Variants in CNTN3 observed in about 807,000 individuals in gnomAD.
The protein encoded by CNTN3 is contactin 3, also known as contactin-3.
Under a neutral mutation model 119.1 loss-of-function variants are expected in CNTN3, and 60 were observed. That is an observed-to-expected ratio of 0.50 (90% CI 0.41 to 0.62). CNTN3 has a LOEUF of 0.62. CNTN3 is among the 20% of genes least tolerant of loss of function. CNTN3 has a pLI of 0.00. For synonymous variants in CNTN3, 450 were observed against 438.7 expected (o/e 1.03, Z -0.32); for missense variants, 1,101 against 1,242.4 (o/e 0.89, Z 1.71).
chr3:74,401,682 C>G (rs748220954), intron 5 of CNTN3, among the ~76,000 whole-genome samples: 3 of 152,074 alleles, frequency 2.0e-5, no homozygotes, highest in Non-Finnish European at 4.4e-5. Flanking sequence ...AATTATTAAG[C>G]AACATAATGT....
At chr3:74,514,469 C>G (rs1575799777) in intron 2 of CNTN3, among the ~76,000 whole-genome samples, 1 of 152,054 alleles carries the variant, frequency 6.6e-6, no homozygotes, top group East Asian at 1.9e-4. Context: ...AATCAGCCAC[C>G]TTAGGAAAAT....
chr3:74,344,131 AT>A (rs1281956871), intron 11 of CNTN3, among the ~76,000 whole-genome samples: 2 of 152,172 alleles, frequency 1.3e-5, no homozygotes, highest in Non-Finnish European at 2.9e-5. Flanking sequence ...AAGGATACAG[AT>A]TATGAAATGT....
chr3:74,570,328 C>T (rs766978342), intron 1 of CNTN3, among the ~76,000 whole-genome samples: 7 of 151,976 alleles, frequency 4.6e-5, no homozygotes, highest in African/African-American at 9.7e-5. Flanking sequence ...TACACAAAAG[C>T]GGATTTTCTA....
intron 9 of CNTN3, 30 bp downstream of exon 9, chr3:74,365,536 T>C (rs761920501): frequency 3.7e-6 from 6 of 1,612,838 alleles, no homozygotes; most frequent in Non-Finnish European, 5.1e-6. Context: ...ACCAGGCCTC[T>C]AAACCCATTT....
intron 13 of CNTN3, among the ~76,000 whole-genome samples, chr3:74,328,753 C>T (rs73841831): frequency 0.022 from 3,325 of 152,192 alleles, 117 homozygotes; most frequent in African/African-American, 0.074. Flanking sequence ...ACCCCCTTTT[C>T]CAGCTGGAAT....
At chr3:74,338,452 G>T (rs935491251) in intron 11 of CNTN3, among the ~76,000 whole-genome samples, 3 of 147,544 alleles carry the variant, frequency 2.0e-5, no homozygotes, top group Non-Finnish European at 4.5e-5. Context: ...ATACACACGT[G>T]CACATATGTG....
intron 4 of CNTN3, among the ~76,000 whole-genome samples, chr3:74,448,161 G>A (rs763607068): frequency 6.6e-6 from 1 of 152,166 alleles, no homozygotes; most frequent in Non-Finnish European, 1.5e-5. Flanking sequence ...GGAGCCCAGT[G>A]TCTAGTTGAG....
chr3:74,299,998 A>G, intron 16 of CNTN3, 60 bp from the exon 17 acceptor site: 1 of 1,050,564 alleles, frequency 9.5e-7, no homozygotes, highest in Non-Finnish European at 1.4e-6. Flanking sequence ...ATTTATCTAA[A>G]AGATAATGCA....
chr3:74,285,060 C>T (rs1343115509), intron 20 of CNTN3, among the ~76,000 whole-genome samples: 1 of 152,124 alleles, frequency 6.6e-6, no homozygotes, highest in African/African-American at 2.4e-5. Context: ...ATAGATTTAA[C>T]CTAACACCCC....
chr3:74,432,821 C>T (rs566718290), intron 4 of CNTN3, among the ~76,000 whole-genome samples: 1 of 152,188 alleles, frequency 6.6e-6, no homozygotes, highest in South Asian at 2.1e-4. Context: ...CCCTTTCTTG[C>T]TGGTCCAATT....
At chr3:74,426,304 T>C (rs987995804) in intron 4 of CNTN3, among the ~76,000 whole-genome samples, 3 of 152,222 alleles carry the variant, frequency 2.0e-5, no homozygotes, top group South Asian at 4.1e-4. Flanking sequence ...TCTGAAAGAA[T>C]ATACTCACTT....
intron 1 of CNTN3, among the ~76,000 whole-genome samples, chr3:74,544,701 C>T (rs1264152669): frequency 2.0e-5 from 3 of 152,100 alleles, no homozygotes; most frequent in Admixed American, 1.3e-4. Context: ...CAGGTTCAAG[C>T]GATTCTCCTG....
chr3:74,285,405 G>A lies in CNTN3; in HGVS notation c.2604C>T (p.Gly868=), dbSNP rs372920888. The A allele has an allele frequency of 8.1e-6, 13 of 1,613,172 alleles. No individual in the cohort carries two copies. Among genetic ancestry groups the A allele is most frequent in the Non-Finnish European group, 7.6e-6 (9 of 1,179,618 alleles). Residue 868 remains glycine (G), a synonymous_variant, in exon 20 of 23, where the codon GGC becomes GGT. Transcript: ENST00000263665. ...TGTAATAGGCCAGGTTGCTCTTCAG[G>A]CCCCGTAGTCTGGCTGATGTCTCAT... ...AGNETSARLR[G]LKSNLAYYTA... is the part of the protein sequence containing the mutation.
chr3:74,498,337 C>T (rs945175124), intron 3 of CNTN3, among the ~76,000 whole-genome samples: 6 of 151,798 alleles, frequency 4.0e-5, no homozygotes, highest in African/African-American at 1.2e-4. Flanking sequence ...GTTGCATATG[C>T]TTATGTCTGA....
intron 5 of CNTN3, 29 bp downstream of exon 5, chr3:74,424,816 A>C (rs372119917): frequency 1.9e-6 from 3 of 1,590,454 alleles, no homozygotes; most frequent in Non-Finnish European, 1.7e-6. Flanking sequence ...CTTAATAAAT[A>C]TGAAAAGCAG....
intron 13 of CNTN3, among the ~76,000 whole-genome samples, chr3:74,319,675 T>A (rs1164825845): frequency 6.6e-6 from 1 of 151,690 alleles, no homozygotes; most frequent in Non-Finnish European, 1.5e-5. Flanking sequence ...TGGGATCCAA[T>A]TAAACTAAAG....
rs920511021 is a variant in CNTN3, at chr3:74,334,831, T to A, written c.1572A>T (p.Gln524His). 6 of 1,613,634 alleles carry A rather than the reference T, an allele frequency of 3.7e-6. No individual in the cohort carries two copies. The Admixed American group carries it at 5.0e-5, about 13-fold the overall frequency. The change falls in exon 13 of 23, where the codon CAA (glutamine) becomes CAT (histidine). Residue 524 changes from glutamine to histidine, a missense_variant. By Grantham distance (24) the Gln-to-His change is conservative. Transcript: ENST00000263665. Reference protein sequence around the residue: ...GESVILPCQVQHDPLLDIIFT... With the variant: ...GESVILPCQVHHDPLLDIIFT... The stretch of plus-strand genomic sequence containing the variant: ...AGATGATGTCTAACAGCGGGTCATG[T>A]TGTACCTGGCAGGGCAATATGACGC...
In CNTN3 at chr3:74,266,525, C is replaced by G; in HGVS notation, c.2942G>C (p.Gly981Ala). 6.2e-7 allele frequency: 1 copy of G among 1,613,594 alleles called. No individual in the cohort carries two copies. Among genetic ancestry groups the G allele is most frequent in the Non-Finnish European group, 8.5e-7 (1 of 1,179,590 alleles). ...IIEVKATTDG[G>A]DGTSSEQIRI... ...GATCTGTTCACTACTGGTCCCATCCCCTCCATCTGTTGTGGCCTTGACTTC... is the reference window on the plus strand; with the variant it reads ...GATCTGTTCACTACTGGTCCCATCCGCTCCATCTGTTGTGGCCTTGACTTC... The change falls in exon 22 of 23, where the codon GGG becomes GCG. Residue 981 changes from glycine to alanine, a missense_variant. Gly to Ala is a moderately conservative substitution (Grantham distance 60, BLOSUM62 0). Transcript: ENST00000263665.
At chr3:74,293,772 G>T (rs1399343035) in intron 19 of CNTN3, among the ~76,000 whole-genome samples, 1 of 152,144 alleles carries the variant, frequency 6.6e-6, no homozygotes, top group Non-Finnish European at 1.5e-5. Flanking sequence ...ACCACACCTG[G>T]CTTATTCTGC....
Sources: gnomAD v4.1 joint callset for allele counts (sites outside exome capture counted in the v4.1 genomes callset) on GRCh38, gnomAD v4.1.1 for gene constraint, MANE v1.5 for transcripts, NCBI Gene and HGNC (gene_info 2026-07-23, HGNC 2026-07-21) for gene names.